DOCK3: variants seen among roughly 807,000 people sequenced by gnomAD.
The protein encoded by DOCK3 is dedicator of cytokinesis 3, also known as dedicator of cytokinesis protein 3.
A neutral mutation model predicts 265.6 loss-of-function variants in DOCK3; 60 were observed. That is an observed-to-expected ratio of 0.23 (90% CI 0.18 to 0.28). The LOEUF is 0.28. Ranked by LOEUF, DOCK3 falls within the 10% of genes least tolerant of loss-of-function variation. The pLI is 1.00. For synonymous variants in DOCK3, 881 were observed against 938.0 expected, an observed-to-expected ratio of 0.94 and a Z score of 1.11; for missense variants, 1,981 against 2,594.3, an observed-to-expected ratio of 0.76 and a Z score of 5.14.
At chr3:51,334,846 A>G (rs781215934) in intron 35 of DOCK3, among the ~76,000 whole-genome samples, 2 of 152,210 alleles carry the variant, frequency 1.3e-5, no homozygotes, top group African/African-American at 2.4e-5. Context: ...TGATTTCTTT[A>G]GCTGCCTTCT....
intron 1 of DOCK3, among the ~76,000 whole-genome samples, chr3:50,693,728 G>A (rs1479475167): frequency 6.7e-6 from 1 of 149,874 alleles, no homozygotes; most frequent in South Asian, 2.1e-4. Flanking sequence ...GTAGAGATGG[G>A]GTTTCACCAT....
Position 51,330,193 on chromosome 3 carries a change from A to G in DOCK3, c.3458A>G (p.Asp1153Gly), listed in dbSNP as rs1241086381. 6.9e-6 allele frequency: 11 copies of G among 1,604,474 alleles called. No individual in the cohort carries two copies. The highest frequency in any genetic ancestry group is 9.4e-6 in the Non-Finnish European group (11 of 1,175,580). The change falls in exon 33 of 53, where the codon GAC (aspartate) becomes GGC (glycine). Residue 1153 changes from aspartate (D) to glycine (G), a missense_variant. Transcript: ENST00000266037. ...AGCATGGTGTCAGAAGGGAAAGGTG[A>G]CGAGAGCTACAGGGAGCTCTTCAGC... is the stretch of plus-strand genomic sequence containing the variant. ...LDSMVSEGKG[D>G]ESYRELFSLL...
chr3:50,983,695 C>T (rs1012145340), intron 5 of DOCK3, among the ~76,000 whole-genome samples: 1 of 152,178 alleles, frequency 6.6e-6, no homozygotes, highest in Non-Finnish European at 1.5e-5. Flanking sequence ...CTTGCTCATC[C>T]TCCACTTGCC....
chr3:51,010,775 A>G (rs9682672), intron 5 of DOCK3, among the ~76,000 whole-genome samples: 137,257 of 152,240 alleles, frequency 0.9, 62,067 homozygotes, highest in African/African-American at 0.95. Flanking sequence ...TACTTTTCGT[A>G]TTTACTGCTT....
At chr3:51,280,791 G>A (rs1252891189) in intron 27 of DOCK3, among the ~76,000 whole-genome samples, 2 of 152,060 alleles carry the variant, frequency 1.3e-5, no homozygotes, top group East Asian at 1.9e-4. Flanking sequence ...CTACTCTTGA[G>A]GCTAAAGTGA....
Position 51,381,038 on chromosome 3 carries a change from T to C in DOCK3, c.5584-12T>C. Reference sequence around the variant, plus strand: ...GAGAGGGATTCTAACATGCCCACCCTTTCCTTCGCAGTCTCCTCTCCACCC... The same window carrying C: ...GAGAGGGATTCTAACATGCCCACCCCTTCCTTCGCAGTCTCCTCTCCACCC... On this transcript the variant is annotated splice_polypyrimidine_tract_variant and intron_variant, in intron 52 of 52. Transcript: ENST00000266037. The surrounding 1 kb of genome is among the most constrained non-coding windows in gnomAD (Gnocchi z 5.6). 1 of 1,572,162 alleles carries C rather than the reference T, an allele frequency of 6.4e-7. No homozygotes were observed. The highest frequency in any genetic ancestry group is 8.6e-7 in the Non-Finnish European group (1 of 1,156,650).
chr3:50,813,509 G>A (rs1315337658), intron 2 of DOCK3, among the ~76,000 whole-genome samples: 1 of 152,122 alleles, frequency 6.6e-6, no homozygotes, highest in Non-Finnish European at 1.5e-5. Context: ...CTGGGTGACA[G>A]AGTGAGACCT....
chr3:51,229,580 C>T lies in DOCK3; in HGVS notation c.1888C>T (p.Arg630Trp), dbSNP rs752734538. ...DRIMDVLGRL[R>W]HVSGEEIVKF... Reference sequence around the variant, plus strand: ...GATCATGGATGTACTAGGGCGGCTGCGGCATGTCAGTGGGGAGGAAATTGT... The same window carrying T: ...GATCATGGATGTACTAGGGCGGCTGTGGCATGTCAGTGGGGAGGAAATTGT... Residue 630 changes from arginine to tryptophan, a missense_variant, in exon 19 of 53, where the codon CGG (arginine) becomes TGG (tryptophan). This residue lies in a region of DOCK3 where 1,357 missense variants were observed against 1,866.8 expected (regional missense o/e 0.73). Coordinates refer to ENST00000266037, the MANE Select transcript of DOCK3 (RefSeq NM_004947.5). 2.4e-5 allele frequency: 39 copies of T among 1,605,610 alleles called. No homozygotes were observed. The highest frequency in any genetic ancestry group is 3.1e-5 in the Non-Finnish European group (36 of 1,175,754).
At chr3:51,321,504 T>C (rs992049552) in intron 32 of DOCK3, among the ~76,000 whole-genome samples, 2 of 152,100 alleles carry the variant, frequency 1.3e-5, no homozygotes, top group Non-Finnish European at 2.9e-5. Flanking sequence ...AAGTAGGCTT[T>C]GGAAGGTGGG....
At chr3:50,859,833 T>C (rs142899336) in intron 3 of DOCK3, among the ~76,000 whole-genome samples, 103 of 152,286 alleles carry the variant, frequency 6.8e-4, no homozygotes, top group African/African-American at 2.4e-3. Context: ...TCCTCTGTGT[T>C]TCCTCATAGT....
intron 2 of DOCK3, among the ~76,000 whole-genome samples, chr3:50,822,735 C>G (rs1470770988): frequency 6.6e-6 from 1 of 152,120 alleles, no homozygotes. Flanking sequence ...TCAAGTGATC[C>G]CACCTGCCTC....
intron 5 of DOCK3, among the ~76,000 whole-genome samples, chr3:50,999,925 G>A (rs780303020): frequency 6.6e-6 from 1 of 152,074 alleles, no homozygotes; most frequent in African/African-American, 2.4e-5. Flanking sequence ...ACAGTAAAAC[G>A]ACACCCAAGA....
intron 9 of DOCK3, among the ~76,000 whole-genome samples, chr3:51,122,499 T>C (rs2084072180): frequency 1.3e-5 from 2 of 152,184 alleles, no homozygotes; most frequent in African/African-American, 4.8e-5. Flanking sequence ...ATTTACATGC[T>C]TCAGAAACCC....
At chr3:50,717,226 C>G (rs1290115720) in intron 1 of DOCK3, among the ~76,000 whole-genome samples, 1 of 152,184 alleles carries the variant, frequency 6.6e-6, no homozygotes, top group Non-Finnish European at 1.5e-5. Context: ...ACTTGCCGAT[C>G]CTCATTTACA....
At chr3:50,819,072 T>C (rs2044255240) in intron 2 of DOCK3, among the ~76,000 whole-genome samples, 1 of 152,218 alleles carries the variant, frequency 6.6e-6, no homozygotes, top group African/African-American at 2.4e-5. Context: ...TGATCCAAAC[T>C]GCATGAGTTT....
At chr3:51,264,705 T>G (rs2080059477) in intron 23 of DOCK3, among the ~76,000 whole-genome samples, 1 of 151,968 alleles carries the variant, frequency 6.6e-6, no homozygotes, top group African/African-American at 2.4e-5. Context: ...CGGTTACGTG[T>G]AGTCCCAGCT....
chr3:51,229,687 C>A, intron 19 of DOCK3, 78 bp downstream of exon 19: 1 of 1,119,984 alleles, frequency 8.9e-7, no homozygotes, highest in Non-Finnish European at 1.2e-6. Flanking sequence ...ATGATTTTTG[C>A]CAATAACCGT....
chr3:51,235,643 T>G (rs976279618), intron 19 of DOCK3, among the ~76,000 whole-genome samples: 1 of 152,236 alleles, frequency 6.6e-6, no homozygotes, highest in African/African-American at 2.4e-5. Context: ...AAATGAATTG[T>G]AAACATTGTA....
At chr3:51,274,526 T>A (rs1384798119) in intron 24 of DOCK3, among the ~76,000 whole-genome samples, 1 of 152,144 alleles carries the variant, frequency 6.6e-6, no homozygotes, top group African/African-American at 2.4e-5. Context: ...ACCTGTAATC[T>A]TAGCATTTGG....
Sources: gnomAD v4.1 joint callset for allele counts (sites outside exome capture counted in the v4.1 genomes callset) on GRCh38, gnomAD v4.1.1 for gene constraint, gnomAD v4.1.1 regional missense constraint, Gnocchi (gnomAD v3.1) non-coding constraint, MANE v1.5 for transcripts, NCBI Gene and HGNC (gene_info 2026-07-23, HGNC 2026-07-21) for gene names.